ZNF254: variants seen among roughly 807,000 people sequenced by gnomAD.
The protein encoded by ZNF254 is CTD-2017D11.1.
A neutral mutation model predicts 12.4 loss-of-function variants in ZNF254; 10 were observed. The ratio of observed to expected loss-of-function variants is 0.80; its 90% CI spans 0.50 to 1.36. The LOEUF (loss-of-function observed/expected upper bound fraction) is 1.36. ZNF254 is among the 40% of genes most tolerant of loss of function. The probability of loss-of-function intolerance (pLI) is 0.00; values close to 1 mark genes in which losing one functional copy is unlikely to be tolerated. For missense variants in ZNF254, 996 were observed against 763.9 expected (o/e 1.30, Z -3.58); for synonymous variants, 305 against 253.4 (o/e 1.20, Z -1.93).
Position 24,127,666 on chromosome 19 carries a change from A to AT in ZNF254, c.1666_1667insT (p.Lys556IlefsTer8), listed in dbSNP as rs757518513. ...ATGTGAAAAATGTGGCAAAGCCTTTAAGCAGTCTTCAATCCTTACTAACCA... is the reference window on the plus strand; with the variant it reads ...ATGTGAAAAATGTGGCAAAGCCTTTATAGCAGTCTTCAATCCTTACTAACCA... On this transcript the variant is annotated frameshift_variant, in exon 4 of 4. Coordinates refer to ENST00000357002, the MANE Select transcript of ZNF254 (RefSeq NM_203282.4). LOFTEE classifies it low-confidence loss of function (END_TRUNC). 4 of 1,613,436 alleles carry AT rather than the reference A, an allele frequency of 2.5e-6. No homozygotes were observed. In the African/African-American group the frequency reaches 5.3e-5, roughly 22 times the overall value.
At chr19:24,055,913 T>C (rs1311440194) in intron 2 of ZNF254, among the ~76,000 whole-genome samples, 1 of 152,158 alleles carries the variant, frequency 6.6e-6, no homozygotes, top group Non-Finnish European at 1.5e-5. Flanking sequence ...AACCGGAACA[T>C]GTGTGGGATT....
At chr19:24,034,042 T>G (rs1421729057) in intron 1 of ZNF254, among the ~76,000 whole-genome samples, 4 of 151,924 alleles carry the variant, frequency 2.6e-5, no homozygotes, top group African/African-American at 9.7e-5. Flanking sequence ...ACTGCAACCT[T>G]CGCCTCCTAG....
chr19:24,094,019 T>C (rs888746303), intron 1 of ZNF254, among the ~76,000 whole-genome samples: 2 of 152,194 alleles, frequency 1.3e-5, no homozygotes, highest in African/African-American at 4.8e-5. Context: ...AGATATTTTA[T>C]TCTTTTTGTG....
chr19:24,111,017 A>G (rs1157210503), intron 3 of ZNF254, among the ~76,000 whole-genome samples: 5 of 151,956 alleles, frequency 3.3e-5, no homozygotes, highest in Non-Finnish European at 7.4e-5. Flanking sequence ...TTAGTTACAT[A>G]TGTATACATG....
intron 2 of ZNF254, among the ~76,000 whole-genome samples, chr19:24,063,306 T>C (rs1211182617): frequency 6.6e-6 from 1 of 152,196 alleles, no homozygotes; most frequent in Non-Finnish European, 1.5e-5. Context: ...ATCTGAGTTA[T>C]TTGTCTTTTC....
intron 1 of ZNF254, among the ~76,000 whole-genome samples, chr19:24,043,258 CA>C (rs202197883): frequency 1.6e-4 from 24 of 147,220 alleles, no homozygotes; most frequent in East Asian, 1.2e-3. Flanking sequence ...CACATAAAGC[CA>C]AAAAAAAATT....
chr19:24,065,723 C>T (rs1201805551), intron 2 of ZNF254: 1 of 152,106 alleles, frequency 6.6e-6, no homozygotes, highest in Non-Finnish European at 1.5e-5. Context: ...AGGGATCCTG[C>T]AAATTTTGGG....
intron 2 of ZNF254, chr19:24,078,523 C>A: frequency 6.6e-6 from 1 of 152,154 alleles, no homozygotes. Context: ...ATATTCAGGG[C>A]AACTTAAATC....
chr19:24,110,724 C>T (rs1973619544), intron 3 of ZNF254, among the ~76,000 whole-genome samples: 1 of 152,096 alleles, frequency 6.6e-6, no homozygotes, highest in Non-Finnish European at 1.5e-5. Context: ...AACACCCTTC[C>T]ACCTTCTGTT....
chr19:24,104,051 G>C (rs1973188082), intron 1 of ZNF254: 1 of 152,070 alleles, frequency 6.6e-6, no homozygotes, highest in African/African-American at 2.4e-5. Flanking sequence ...GTAGAGATGG[G>C]GTTTCACCAT....
At chr19:24,053,698 G>A (rs971515903) in intron 2 of ZNF254, among the ~76,000 whole-genome samples, 3 of 152,164 alleles carry the variant, frequency 2.0e-5, no homozygotes, top group African/African-American at 7.2e-5. Flanking sequence ...ATTGTGACAT[G>A]TGGCTTGTTC....
intron 3 of ZNF254, among the ~76,000 whole-genome samples, chr19:24,125,986 C>T (rs547421609): frequency 3.3e-5 from 5 of 152,178 alleles, no homozygotes; most frequent in African/African-American, 9.6e-5. Flanking sequence ...GTAAATTTAA[C>T]AGACTTTTCT....
In ZNF254 at chr19:24,122,374, G is replaced by A. The variant is rs150596743; in HGVS notation, c.254-3880G>A. On this transcript the variant is annotated intron_variant, in intron 3 of 3. Transcript: ENST00000357002. ...TTAGTAGCTCAGATTACAGGTGACC[G>A]CCATCATGCCTGGCTAATTTTTGTA... 3.1e-3 allele frequency among the ~76,000 whole-genome samples: 475 copies of A among 152,044 alleles called. 1 individual carries two copies. The highest frequency in any genetic ancestry group is 0.011 in the African/African-American group (436 of 41,464).
intron 3 of ZNF254, 125 bp downstream of exon 3, chr19:24,106,768 T>G (rs1017679883): frequency 3.8e-6 from 3 of 796,612 alleles, no homozygotes; most frequent in Non-Finnish European, 5.6e-6. Flanking sequence ...GCCTAAATTT[T>G]TTTTTTAAAT....
intron 1 of ZNF254, chr19:24,099,101 A>G (rs1462012314): frequency 6.8e-6 from 1 of 146,892 alleles, no homozygotes; most frequent in Non-Finnish European, 1.5e-5. Context: ...GGTTGAAGCA[A>G]TTCTTCTGCC....
upstream of ZNF254, among the ~76,000 whole-genome samples, chr19:24,083,939 A>C (rs1971937141): frequency 6.6e-6 from 1 of 152,060 alleles, no homozygotes; most frequent in African/African-American, 2.4e-5. Context: ...ATTCATTAAA[A>C]AATTAAAAGT....
chr19:24,054,387 A>G (rs1411980369), intron 2 of ZNF254, among the ~76,000 whole-genome samples: 1 of 152,218 alleles, frequency 6.6e-6, no homozygotes, highest in Non-Finnish European at 1.5e-5. Context: ...TCATACCTCT[A>G]GTCAGCTATT....
chr19:24,083,227 ATAATAC>A (rs540315400), upstream of ZNF254, among the ~76,000 whole-genome samples: 11 of 152,230 alleles, frequency 7.2e-5, no homozygotes, highest in South Asian at 2.3e-3. Context: ...CTGCAAAAAA[ATAATAC>A]TAATAATTAG....
At chr19:24,065,054 G>A (rs1971220699) in intron 2 of ZNF254, among the ~76,000 whole-genome samples, 1 of 152,134 alleles carries the variant, frequency 6.6e-6, no homozygotes, top group Non-Finnish European at 1.5e-5. Context: ...TGCATATTTT[G>A]GTTATTGTGA....
Sources: gnomAD v4.1 joint callset for allele counts (sites outside exome capture counted in the v4.1 genomes callset) on GRCh38, gnomAD v4.1.1 for gene constraint, MANE v1.5 for transcripts, NCBI Gene and HGNC (gene_info 2026-07-23, HGNC 2026-07-21) for gene names.